CDH5: variants seen among roughly 807,000 people sequenced by gnomAD.
CDH5 encodes the protein cadherin 5.
CDH5 carries 28 observed loss-of-function variants against 62.0 expected under a neutral mutation model. That is an observed-to-expected ratio of 0.45 (90% CI 0.33 to 0.62). CDH5 has a LOEUF of 0.62. Ranked by LOEUF, CDH5 falls within the 20% of genes least tolerant of loss-of-function variation. The pLI is 0.02. For missense variants in CDH5, 940 were observed against 1,065.1 expected (o/e 0.88, Z 1.63); for synonymous variants, 464 against 445.8 (o/e 1.04, Z -0.52).
At chr16:66,394,884 T>A (rs1329012015) in intron 7 of CDH5, among the ~76,000 whole-genome samples, 1 of 151,728 alleles carries the variant, frequency 6.6e-6, no homozygotes, top group African/African-American at 2.4e-5. Flanking sequence ...AGGTTCTTCC[T>A]CTGTCACCCA....
chr16:66,392,423 C>G, intron 7 of CDH5, 40 bp downstream of exon 7: 1 of 1,609,034 alleles, frequency 6.2e-7, no homozygotes, highest in Non-Finnish European at 8.5e-7. Context: ...AAGGACAATC[C>G]GGCCTGGATG....
chr16:66,391,558 A>G (rs529509687), intron 6 of CDH5, among the ~76,000 whole-genome samples: 8 of 152,098 alleles, frequency 5.3e-5, no homozygotes, highest in Non-Finnish European at 1.0e-4. Context: ...GGATCACCTG[A>G]GGTCAGGAGT....
In CDH5 at chr16:66,392,276, C is replaced by T. The variant is rs1313347294; in HGVS notation, c.1110C>T (p.Pro370=). Residue 370 remains proline, a synonymous_variant, in exon 7 of 12, where the codon CCC becomes CCT. Coordinates refer to ENST00000341529, the MANE Select transcript of CDH5 (RefSeq NM_001795.5). ...IINITDVDEP[P]IFQQPFYHFQ... is the part of the protein sequence containing the mutation. ...ACATCACAGATGTGGACGAGCCCCC[C>T]ATTTTCCAGCAGCCTTTCTACCACT... 1 of 1,614,154 alleles carries T rather than the reference C, an allele frequency of 6.2e-7. No individual in the cohort carries two copies.
intron 7 of CDH5, among the ~76,000 whole-genome samples, chr16:66,394,339 AT>A (rs1272129391): frequency 2.0e-5 from 3 of 152,042 alleles, no homozygotes. Flanking sequence ...TTTACTTTTA[AT>A]TTTTCCAGGT....
chr16:66,391,266 G>T lies in CDH5; in HGVS notation c.969+676G>T, dbSNP rs539213626. 3.9e-5 allele frequency among the ~76,000 whole-genome samples: 6 copies of T among 152,258 alleles called. No individual in the cohort carries two copies. In the South Asian group the frequency reaches 1.2e-3, roughly 32 times the overall value. ...GACACAGCCTCCAGTGTCAGCAAAG[G>T]TCTCAGCGAATGGGGAAGACATATG... On this transcript the variant is annotated intron_variant, in intron 6 of 11. Coordinates refer to ENST00000341529, the MANE Select transcript of CDH5 (RefSeq NM_001795.5).
At chr16:66,375,516 G>T (rs897031278) in intron 1 of CDH5, among the ~76,000 whole-genome samples, 12 of 151,440 alleles carry the variant, frequency 7.9e-5, no homozygotes, top group Non-Finnish European at 1.2e-4. Context: ...GACAGAGGGA[G>T]ACTCAATCTC....
rs1961353107 is a variant in CDH5, at chr16:66,404,487, CTTGT to C, written c.*1325_*1328del. The C allele has an allele frequency of 6.6e-6, 1 of 152,244 alleles. No homozygotes were observed. Among genetic ancestry groups the C allele is most frequent in the African/African-American group, 2.4e-5 (1 of 41,472 alleles). 9.4% of individuals were successfully genotyped at this position (152,244 alleles called of 1,614,324 possible). On this transcript the variant is annotated 3_prime_UTR_variant, in exon 12 of 12. Transcript: ENST00000341529. Reference sequence around the variant, plus strand: ...TGCAAGGGATTGTAGATAACACTGACTTGTTTGTTTTAACCAATAACTAGCTTCT... The same window carrying C: ...TGCAAGGGATTGTAGATAACACTGACTTGTTTTAACCAATAACTAGCTTCT...
intron 1 of CDH5, among the ~76,000 whole-genome samples, chr16:66,372,705 G>A (rs1960713654): frequency 6.6e-6 from 1 of 152,162 alleles, no homozygotes. Flanking sequence ...GACCCCAGAG[G>A]CCTCTGCGGT....
Position 66,376,491 on chromosome 16 carries a change from G to A in CDH5, c.-19-2828G>A, listed in dbSNP as rs370204971. ...TGGGGTTCCCAGCAGGAAACAGAGC[G>A]AACCCTGGGAGGCCAATTGAAGAGA... On this transcript the variant is annotated intron_variant, in intron 1 of 11. Transcript: ENST00000341529. The A allele has an allele frequency of 1.0e-3, 152 of 152,306 alleles. 1 individual carries two copies. The highest frequency in any genetic ancestry group is 7.0e-3 in the South Asian group (34 of 4,824). 9.4% of individuals were successfully genotyped at this position (152,306 alleles called of 1,614,324 possible). A position where few individuals can be genotyped will look rare whatever the true frequency, so the allele number is the denominator to read the frequency against.
intron 7 of CDH5, among the ~76,000 whole-genome samples, chr16:66,393,444 A>C (rs2142334568): frequency 6.6e-6 from 1 of 152,332 alleles, no homozygotes; most frequent in Middle Eastern, 3.4e-3. Flanking sequence ...GGAAGCAGGC[A>C]CGTCTTACAC....
At chr16:66,391,877 G>A (rs1433816885) in intron 6 of CDH5, among the ~76,000 whole-genome samples, 1 of 152,210 alleles carries the variant, frequency 6.6e-6, no homozygotes, top group Non-Finnish European at 1.5e-5. Context: ...CCAAACGCTG[G>A]AAATAGGGCC....
intron 6 of CDH5, among the ~76,000 whole-genome samples, chr16:66,391,818 C>CTGTGGGT (rs1182537160): frequency 3.3e-5 from 5 of 152,134 alleles, no homozygotes; most frequent in Admixed American, 6.5e-5. Context: ...TGGGTAGAAC[C>CTGTGGGT]ACTAGTGACG....
intron 7 of CDH5, among the ~76,000 whole-genome samples, chr16:66,394,473 C>T (rs1449326284): frequency 1.3e-5 from 2 of 151,914 alleles, no homozygotes; most frequent in Non-Finnish European, 2.9e-5. Context: ...GTTTGATGTT[C>T]CTTCTTTTAT....
intron 10 of CDH5, among the ~76,000 whole-genome samples, chr16:66,399,923 A>G (rs1596947602): frequency 6.6e-6 from 1 of 152,358 alleles, no homozygotes; most frequent in South Asian, 2.1e-4. Flanking sequence ...AATCGAAAAG[A>G]TGGATTCCTG....
chr16:66,396,288 T>C (rs111817360), intron 8 of CDH5, 87 bp downstream of exon 8: 2 of 1,541,232 alleles, frequency 1.3e-6, no homozygotes, highest in African/African-American at 2.7e-5. Flanking sequence ...ATTTGGGGTC[T>C]CTAGACGTAT....
chr16:66,387,483 A>C (rs1961006791), intron 3 of CDH5, among the ~76,000 whole-genome samples: 1 of 152,152 alleles, frequency 6.6e-6, no homozygotes, highest in African/African-American at 2.4e-5. Context: ...TCATAAACTT[A>C]GCCCTGATCC....
chr16:66,375,086 A>G (rs954898742), intron 1 of CDH5, among the ~76,000 whole-genome samples: 4 of 152,206 alleles, frequency 2.6e-5, no homozygotes, highest in Non-Finnish European at 5.9e-5. Flanking sequence ...TGGATCGTAT[A>G]GCCTGCCGCA....
At position 66,400,761 on chromosome 16, in the gene CDH5, G is replaced by T. The variant is rs771872683; in HGVS notation, c.1592-10G>T. On this transcript the variant is annotated splice_polypyrimidine_tract_variant and intron_variant, in intron 10 of 11. Transcript: ENST00000341529. ...GGCAAAGCCTGACTCCGAGGCCTTG[G>T]TGTTTCCAGATAACACGGCCAACAT... 4 of 1,614,192 alleles carry T rather than the reference G, an allele frequency of 2.5e-6. No homozygotes were observed. In the South Asian group the frequency reaches 3.3e-5, roughly 13 times the overall value.
chr16:66,397,963 A>G lies in CDH5; in HGVS notation c.1361-19A>G. The G allele has an allele frequency of 6.2e-7, 1 of 1,614,116 alleles. No homozygotes were observed. The highest frequency in any genetic ancestry group is 8.5e-7 in the Non-Finnish European group (1 of 1,179,980). ...AGCATCAGCTGAGCCCATAATGGTG[A>G]CAGTCTTCTCCCCTGCAGGAACCCC... is the stretch of plus-strand genomic sequence containing the variant. On this transcript the variant is annotated intron_variant, in intron 8 of 11. Transcript: ENST00000341529.
Sources: allele counts gnomAD v4.1 joint callset (sites outside exome capture counted in the v4.1 genomes callset), GRCh38; gene constraint gnomAD v4.1.1; transcripts MANE v1.5; gene names NCBI Gene and HGNC (gene_info 2026-07-23, HGNC 2026-07-21).